AJAP1: variants seen among roughly 807,000 people sequenced by gnomAD.
AJAP1 encodes adherens junction-associated protein 1.
Under a neutral mutation model 35.0 loss-of-function variants are expected in AJAP1, and 5 were observed. The observed-to-expected ratio is 0.14, with a 90% confidence interval of 0.07 to 0.30. The LOEUF (loss-of-function observed/expected upper bound fraction) is 0.30. AJAP1 is among the 10% of genes least tolerant of loss of function. AJAP1 has a pLI of 1.00. For synonymous variants in AJAP1, 284 were observed against 249.3 expected, an observed-to-expected ratio of 1.14 and a Z score of -1.31; for missense variants, 586 against 571.0, an observed-to-expected ratio of 1.03 and a Z score of -0.27.
chr1:4,670,248 T>C (rs1353572061), intron 1 of AJAP1, among the ~76,000 whole-genome samples: 1 of 152,158 alleles, frequency 6.6e-6, no homozygotes, highest in East Asian at 1.9e-4. Flanking sequence ...CTTTACTCCT[T>C]ACACATCCCC....
rs1553163061 is a variant in AJAP1, at chr1:4,790,916, T to TCTTTTGTTTTTG, written c.*8431_*8432insCTTTTGTTTTTG. ...CTGGTCTTCTCAGAAGTGTTTCTGT[T>TCTTTTGTTTTTG]TTTTTGTTTTTGTTTTTGTTTTTGT... On this transcript the variant is annotated 3_prime_UTR_variant, in exon 6 of 6. Transcript: ENST00000378191. 1.3e-5 allele frequency: 2 copies of TCTTTTGTTTTTG among 149,094 alleles called. No homozygotes were observed. Among genetic ancestry groups the TCTTTTGTTTTTG allele is most frequent in the African/African-American group, 5.0e-5 (2 of 40,248 alleles). 9.2% of individuals were successfully genotyped at this position (149,094 alleles called of 1,614,324 possible). A position where few individuals can be genotyped will look rare whatever the true frequency, so the allele number is the denominator to read the frequency against.
At chr1:4,767,553 A>G (rs990886587) in intron 2 of AJAP1, among the ~76,000 whole-genome samples, 8 of 151,672 alleles carry the variant, frequency 5.3e-5, no homozygotes, top group African/African-American at 1.9e-4. Flanking sequence ...CACCATCTTT[A>G]TCATTACCAT....
At chr1:4,760,649 G>T (rs192813060) in intron 2 of AJAP1, among the ~76,000 whole-genome samples, 1 of 152,340 alleles carries the variant, frequency 6.6e-6, no homozygotes, top group African/African-American at 2.4e-5. Context: ...TCTGAATGCA[G>T]GTCAGAAGGA....
At chr1:4,708,218 G>A (rs574223789) in intron 1 of AJAP1, among the ~76,000 whole-genome samples, 1 of 151,954 alleles carries the variant, frequency 6.6e-6, no homozygotes, top group African/African-American at 2.4e-5. Context: ...CTCCCACCTC[G>A]GCCTCCCAAA....
chr1:4,700,854 G>A (rs1473459930), intron 1 of AJAP1, among the ~76,000 whole-genome samples: 6 of 152,196 alleles, frequency 3.9e-5, no homozygotes, highest in Non-Finnish European at 8.8e-5. Context: ...CCCTTCGTGG[G>A]GCAGCTGGTC....
chr1:4,683,879 C>T (rs1348910516), intron 1 of AJAP1, among the ~76,000 whole-genome samples: 1 of 152,138 alleles, frequency 6.6e-6, no homozygotes, highest in African/African-American at 2.4e-5. Flanking sequence ...AAGCCTGATG[C>T]TTAGGGCAGG....
intron 1 of AJAP1, among the ~76,000 whole-genome samples, chr1:4,672,409 G>A (rs1639269921): frequency 6.6e-6 from 1 of 152,202 alleles, no homozygotes; most frequent in South Asian, 2.1e-4. Flanking sequence ...CATACACTGT[G>A]CCCACATGAC....
chr1:4,658,909 C>G (rs946928017), intron 1 of AJAP1, among the ~76,000 whole-genome samples: 1 of 152,228 alleles, frequency 6.6e-6, no homozygotes, highest in African/African-American at 2.4e-5. Context: ...GCACCTGCGT[C>G]TTTCTAGCGG....
intron 1 of AJAP1, among the ~76,000 whole-genome samples, chr1:4,683,373 C>G (rs887280265): frequency 1.3e-5 from 2 of 152,206 alleles, no homozygotes; most frequent in Non-Finnish European, 2.9e-5. Flanking sequence ...TTGGCCCGCC[C>G]TCACTGTTTC....
chr1:4,761,283 A>C (rs1207499605), intron 2 of AJAP1, among the ~76,000 whole-genome samples: 1 of 152,224 alleles, frequency 6.6e-6, no homozygotes, highest in Non-Finnish European at 1.5e-5. Flanking sequence ...GCCTTGGTTT[A>C]GGCTTGCAGC....
At chr1:4,775,268 C>T (rs1641919542) in intron 5 of AJAP1, among the ~76,000 whole-genome samples, 1 of 152,150 alleles carries the variant, frequency 6.6e-6, no homozygotes, top group African/African-American at 2.4e-5. Flanking sequence ...GCATTGCGCC[C>T]TCATGGCTGC....
At chr1:4,667,368 C>T (rs942309284) in intron 1 of AJAP1, among the ~76,000 whole-genome samples, 2 of 152,190 alleles carry the variant, frequency 1.3e-5, no homozygotes, top group African/African-American at 4.8e-5. Flanking sequence ...GCCACCTGCC[C>T]CTGCCCCTCC....
chr1:4,701,086 G>A (rs139765442), intron 1 of AJAP1, among the ~76,000 whole-genome samples: 28 of 152,356 alleles, frequency 1.8e-4, no homozygotes, highest in Middle Eastern at 3.4e-3. Flanking sequence ...CGCCAGCGCC[G>A]TTGCTATCCT....
chr1:4,712,025 T>C lies in AJAP1; in HGVS notation c.155T>C (p.Leu52Pro), dbSNP rs1313561572. The change falls in exon 2 of 6, where the codon CTC (leucine) becomes CCC (proline). Residue 52 changes from leucine (L) to proline (P), a missense_variant. By Grantham distance (98) the Leu-to-Pro change is moderately conservative. Transcript: ENST00000378191. ...CTGGGCCCGGGGCCGGAGTTCTGGC[T>C]CCTGCCGCGGTCGCCGCCCCGGCCG... ...EALGPGPEFW[L>P]LPRSPPRPPR... The C allele has an allele frequency of 1.9e-5, 30 of 1,595,998 alleles. No homozygotes were observed. Among genetic ancestry groups the C allele is most frequent in the Non-Finnish European group, 2.4e-5 (28 of 1,173,898 alleles).
rs947881155 is a variant in AJAP1 at position 4,787,670 on chromosome 1, T to A, written c.*5185T>A. The A allele has an allele frequency of 2.2e-6, 1 of 455,990 alleles. No homozygotes were observed. The highest frequency in any genetic ancestry group is 4.4e-6 in the Non-Finnish European group (1 of 226,892). The allele number at this position is 455,990 out of a possible 1,614,324, so 28.2% of individuals were successfully genotyped here. ...GCTTGCCCCATCCCTGGGCACTGGC[T>A]CTGCCCAGCCCCTCCCATGTTGGTC... On this transcript the variant is annotated 3_prime_UTR_variant, in exon 6 of 6. Transcript: ENST00000378191.
At chr1:4,780,216 G>C (rs767028765) in intron 5 of AJAP1, among the ~76,000 whole-genome samples, 38 of 150,458 alleles carry the variant, frequency 2.5e-4, no homozygotes, top group Non-Finnish European at 4.1e-4. Context: ...TTACCGTCCT[G>C]TGCAGGCATC....
At chr1:4,670,542 A>G (rs1639229079) in intron 1 of AJAP1, among the ~76,000 whole-genome samples, 1 of 152,274 alleles carries the variant, frequency 6.6e-6, no homozygotes, top group Non-Finnish European at 1.5e-5. Flanking sequence ...CCTGGCAGTG[A>G]CCTGGTTTGT....
At chr1:4,717,020 G>A (rs977686827) in intron 2 of AJAP1, among the ~76,000 whole-genome samples, 1 of 152,154 alleles carries the variant, frequency 6.6e-6, no homozygotes, top group Non-Finnish European at 1.5e-5. Flanking sequence ...CCGTCAGATG[G>A]GTCAGAAGTT....
rs925340040 is a variant in AJAP1 at position 4,773,681 on chromosome 1, A to G, written c.1164-746A>G. ...GCCTTCCAGAAGGCTAAGTTCACAAATAACCGGCTAACAGATTTCCAAACT... is the reference window on the plus strand; with the variant it reads ...GCCTTCCAGAAGGCTAAGTTCACAAGTAACCGGCTAACAGATTTCCAAACT... On this transcript the variant is annotated intron_variant, in intron 4 of 5. Coordinates refer to ENST00000378191, the MANE Select transcript of AJAP1 (RefSeq NM_018836.4). Among the ~76,000 whole-genome samples, 3 of 152,224 alleles carry G rather than the reference A, an allele frequency of 2.0e-5. No individual in the cohort carries two copies. The East Asian group carries it at 5.8e-4, about 29-fold the overall frequency.
Sources: gnomAD v4.1 joint callset for allele counts (sites outside exome capture counted in the v4.1 genomes callset) on GRCh38, gnomAD v4.1.1 for gene constraint, MANE v1.5 for transcripts, NCBI Gene and HGNC (gene_info 2026-07-23, HGNC 2026-07-21) for gene names.